The following DOCK2 variants were observed in gnomAD, a reference collection of about 807,000 sequenced individuals.
DOCK2 encodes the protein dedicator of cytokinesis 2.
A neutral mutation model predicts 248.9 loss-of-function variants in DOCK2; 87 were observed. The ratio of observed to expected loss-of-function variants is 0.35; its 90% confidence interval spans 0.29 to 0.42. DOCK2 has a LOEUF of 0.42. DOCK2 is among the 10% of genes least tolerant of loss of function. The probability of loss-of-function intolerance (pLI) is 1.00; values close to 1 mark genes in which losing one functional copy is unlikely to be tolerated. For missense variants in DOCK2, 1,747 were observed against 2,300.2 expected (o/e 0.76, Z 4.92); for synonymous variants, 805 against 821.6 (o/e 0.98, Z 0.35).
intron 7 of DOCK2, among the ~76,000 whole-genome samples, chr5:169,682,649 TG>T: frequency 6.8e-6 from 1 of 147,608 alleles, no homozygotes; most frequent in Admixed American, 6.7e-5. Flanking sequence ...AAAGCAATTT[TG>T]TTTTTAGATT....
intron 1 of DOCK2, among the ~76,000 whole-genome samples, chr5:169,642,163 CAAATGCAACAGTTGA>C (rs1757188092): frequency 6.6e-6 from 1 of 152,198 alleles, no homozygotes; most frequent in Non-Finnish European, 1.5e-5. Flanking sequence ...CTTTTATTGC[CAAATGCAACAGTTGA>C]AAGGATAGAG....
chr5:169,747,627 C>A, intron 23 of DOCK2, 123 bp downstream of exon 23: 2 of 786,182 alleles, frequency 2.5e-6, no homozygotes, highest in African/African-American at 1.8e-5. Context: ...CCTGGGCTGG[C>A]CACTAGGTTA....
chr5:169,944,988 G>A (rs1776387636), intron 27 of DOCK2, among the ~76,000 whole-genome samples: 1 of 152,162 alleles, frequency 6.6e-6, no homozygotes, highest in South Asian at 2.1e-4. Context: ...AGAATGGCTG[G>A]CAAATACCTC....
intron 27 of DOCK2, among the ~76,000 whole-genome samples, chr5:169,874,937 T>TC (rs1202975816): frequency 6.6e-6 from 1 of 152,074 alleles, no homozygotes; most frequent in Non-Finnish European, 1.5e-5. Flanking sequence ...TCCTCTCCTC[T>TC]CTCTTCCTTC....
intron 41 of DOCK2, among the ~76,000 whole-genome samples, chr5:170,052,041 G>A (rs1243651560): frequency 2.0e-5 from 3 of 152,308 alleles, no homozygotes; most frequent in South Asian, 2.1e-4. Flanking sequence ...CAACTGCTGA[G>A]CCAGGGAGCA....
chr5:169,967,261 A>C (rs1777336453), intron 27 of DOCK2, among the ~76,000 whole-genome samples: 1 of 152,258 alleles, frequency 6.6e-6, no homozygotes, highest in Non-Finnish European at 1.5e-5. Context: ...GAATCCCAGA[A>C]GCCTTTCCAG....
chr5:169,680,579 G>A (rs764032012), intron 6 of DOCK2, among the ~76,000 whole-genome samples: 34 of 152,082 alleles, frequency 2.2e-4, no homozygotes, highest in Non-Finnish European at 4.7e-4. Flanking sequence ...GTAGTAGCTG[G>A]GCATGGTGGC....
chr5:169,864,836 AACT>A (rs1771442666), intron 27 of DOCK2, among the ~76,000 whole-genome samples: 1 of 152,210 alleles, frequency 6.6e-6, no homozygotes, highest in Non-Finnish European at 1.5e-5. Context: ...CAGACAAGAA[AACT>A]GACAGCTCAG....
intron 26 of DOCK2, among the ~76,000 whole-genome samples, chr5:169,825,345 C>G (rs1468014970): frequency 2.0e-5 from 3 of 152,042 alleles, no homozygotes; most frequent in African/African-American, 7.3e-5. Flanking sequence ...GCACTATTCA[C>G]AATAGCAAAG....
intron 25 of DOCK2, among the ~76,000 whole-genome samples, chr5:169,771,532 C>T (rs965478668): frequency 1.3e-5 from 2 of 152,162 alleles, no homozygotes; most frequent in South Asian, 2.1e-4. Context: ...CCCTCTGCCT[C>T]GGCCTCCCAA....
intron 27 of DOCK2, among the ~76,000 whole-genome samples, chr5:169,954,198 G>A (rs1221040699): frequency 2.0e-5 from 3 of 152,202 alleles, no homozygotes; most frequent in African/African-American, 7.2e-5. Context: ...GCTTTTAGAA[G>A]TGTTTGGCTG....
chr5:169,717,505 G>A (rs1761967133), intron 21 of DOCK2, 21 bp downstream of exon 21: 40 of 1,609,836 alleles, frequency 2.5e-5, no homozygotes, highest in Non-Finnish European at 3.3e-5. Context: ...GTGCACATGG[G>A]AACTTCTTCT....
At chr5:169,949,072 G>A (rs537510256) in intron 27 of DOCK2, among the ~76,000 whole-genome samples, 1 of 152,292 alleles carries the variant, frequency 6.6e-6, no homozygotes, top group East Asian at 1.9e-4. Flanking sequence ...ATTATTAAAG[G>A]AAAAGCAGAG....
chr5:169,712,065 G>T, intron 16 of DOCK2, 55 bp from the exon 17 acceptor site: 1 of 1,613,760 alleles, frequency 6.2e-7, no homozygotes, highest in South Asian at 1.1e-5. Flanking sequence ...AAGAATGGAA[G>T]AGCTGGGTGG....
intron 27 of DOCK2, among the ~76,000 whole-genome samples, chr5:169,958,564 G>T (rs190561645): frequency 3.5e-5 from 5 of 142,574 alleles, no homozygotes; most frequent in African/African-American, 1.4e-4. Flanking sequence ...GACAAAAGGG[G>T]TGCTTTCTTT....
chr5:169,706,580 A>G (rs1434490284), intron 14 of DOCK2, among the ~76,000 whole-genome samples: 1 of 152,218 alleles, frequency 6.6e-6, no homozygotes. Flanking sequence ...CCCACTCTAA[A>G]TGGTTAGAAA....
At chr5:169,657,394 G>A (rs1195015174) in intron 2 of DOCK2, among the ~76,000 whole-genome samples, 9 of 152,196 alleles carry the variant, frequency 5.9e-5, no homozygotes, top group Admixed American at 5.2e-4. Flanking sequence ...GGGTGTACCC[G>A]TGAAACCTTC....
rs554266832 is a variant in DOCK2, at chr5:169,837,804, A to T, written c.2704-2953A>T. Reference sequence around the variant, plus strand: ...AAACACTCTGCTATGCAACCTCCCAATACTGGGAGCTTTCAGAGTGAAATG... The same window carrying T: ...AAACACTCTGCTATGCAACCTCCCATTACTGGGAGCTTTCAGAGTGAAATG... On this transcript the variant is annotated intron_variant, in intron 26 of 51. Transcript: ENST00000520908. Among the ~76,000 whole-genome samples, 44 of 152,248 alleles carry T rather than the reference A, an allele frequency of 2.9e-4. No individual in the cohort carries two copies. The South Asian group carries it at 8.5e-3, about 29-fold the overall frequency.
intron 32 of DOCK2, among the ~76,000 whole-genome samples, chr5:170,009,324 A>G (rs910894850): frequency 6.6e-6 from 1 of 152,082 alleles, no homozygotes; most frequent in African/African-American, 2.4e-5. Context: ...AGAAGATTAT[A>G]TTTAATCTTC....
Sources: allele counts gnomAD v4.1 joint callset (sites outside exome capture counted in the v4.1 genomes callset), GRCh38; gene constraint gnomAD v4.1.1; transcripts MANE v1.5; gene names NCBI Gene and HGNC (gene_info 2026-07-23, HGNC 2026-07-21).